Variants in CYFIP1 observed in about 807,000 individuals in gnomAD.
CYFIP1 encodes the protein cytoplasmic FMR1 interacting protein 1.
Under a neutral mutation model 163.5 loss-of-function variants are expected in CYFIP1, and 58 were observed. The ratio of observed to expected loss-of-function variants is 0.35; its 90% confidence interval spans 0.29 to 0.44. CYFIP1 has a LOEUF of 0.44. Among genes scored for constraint, CYFIP1 ranks in the 20% least tolerant of loss-of-function variants. The pLI, the probability that CYFIP1 is intolerant of heterozygous loss-of-function variation, is 1.00. For synonymous variants in CYFIP1, 663 were observed against 660.7 expected (o/e 1.00, Z -0.05); for missense variants, 1,338 against 1,653.8 (o/e 0.81, Z 3.31).
chr15:22,911,583 G>T (rs2060790293), intron 18 of CYFIP1, among the ~76,000 whole-genome samples: 1 of 152,208 alleles, frequency 6.6e-6, no homozygotes, highest in South Asian at 2.1e-4. Flanking sequence ...GAGAATACCT[G>T]TGCTTCGTGG....
intron 8 of CYFIP1, among the ~76,000 whole-genome samples, chr15:22,938,464 G>C (rs1251248900): frequency 2.0e-5 from 3 of 151,982 alleles, no homozygotes; most frequent in African/African-American, 4.8e-5. Flanking sequence ...ACTTAGCTGG[G>C]CATTGGTGCA....
chr15:22,893,331 C>A (rs1216328622), intron 22 of CYFIP1, among the ~76,000 whole-genome samples: 1 of 152,114 alleles, frequency 6.6e-6, no homozygotes, highest in Non-Finnish European at 1.5e-5. Context: ...CGGCGACGCC[C>A]CGGTGGTTCA....
At chr15:22,870,410 G>C in intron 30 of CYFIP1, among the ~76,000 whole-genome samples, 1 of 152,028 alleles carries the variant, frequency 6.6e-6, no homozygotes, top group Middle Eastern at 3.4e-3. Flanking sequence ...GTAGCCTCAA[G>C]ACATCCTCCC....
chr15:22,913,619 A>G (rs2060868175), intron 17 of CYFIP1, among the ~76,000 whole-genome samples: 1 of 149,736 alleles, frequency 6.7e-6, no homozygotes, highest in African/African-American at 2.4e-5. Flanking sequence ...AAAAAAAAAA[A>G]AAAAAAAAGA....
intron 12 of CYFIP1, 151 bp from the exon 13 acceptor site, chr15:22,926,258 T>C (rs1293938553): frequency 2.6e-6 from 3 of 1,145,980 alleles, no homozygotes; most frequent in Non-Finnish European, 3.7e-6. Flanking sequence ...ACACCGTCCA[T>C]CTCCACAGAT....
At chr15:22,902,154 G>C (rs765681512) in intron 22 of CYFIP1, among the ~76,000 whole-genome samples, 2 of 152,240 alleles carry the variant, frequency 1.3e-5, no homozygotes, top group Non-Finnish European at 2.9e-5. Context: ...GCCTGCCTGT[G>C]TCCAGGGTCC....
intron 9 of CYFIP1, 83 bp downstream of exon 9, chr15:22,937,019 TCA>T (rs951132288): frequency 1.2e-5 from 11 of 895,868 alleles, no homozygotes; most frequent in Non-Finnish European, 1.8e-5. Context: ...CTGATATAGA[TCA>T]CAGTCACACA....
rs2061410195 is a variant in CYFIP1 at position 22,927,948 on chromosome 15, G to T, written c.1191C>A (p.Gly397=). 1.2e-6 allele frequency: 2 copies of T among 1,605,980 alleles called. No individual in the cohort carries two copies. Among genetic ancestry groups the T allele is most frequent in the Admixed American group, 1.7e-5 (1 of 58,200 alleles). ...YRKLFDLALQ[G]LQLLSQWSAH... The stretch of plus-strand genomic sequence containing the variant: ...CGCTCCACTGCGACAACAGCTGCAG[G>T]CCCTGCAGCGCCAGGTCGAAGAGCT... Residue 397 remains glycine (G), a synonymous_variant, in exon 12 of 31, where the codon GGC becomes GGA. Coordinates refer to ENST00000617928, the MANE Select transcript of CYFIP1 (RefSeq NM_014608.6).
intron 12 of CYFIP1, among the ~76,000 whole-genome samples, chr15:22,927,380 G>A (rs111788108): frequency 0.013 from 2,040 of 151,604 alleles, 43 homozygotes; most frequent in African/African-American, 0.047. Context: ...TAACTCAGGA[G>A]GCTGAGGCAG....
intron 1 of CYFIP1, among the ~76,000 whole-genome samples, chr15:22,962,485 G>A (rs895270884): frequency 6.7e-6 from 1 of 148,564 alleles, no homozygotes; most frequent in Non-Finnish European, 1.5e-5. Flanking sequence ...CACCACCTCC[G>A]CCTCCCTGGT....
At chr15:22,932,484 A>C in intron 10 of CYFIP1, 144 bp from the exon 11 acceptor site, 12 of 529,976 alleles carry the variant, frequency 2.3e-5, no homozygotes, top group Non-Finnish European at 3.7e-5. Context: ...ACAACACAGA[A>C]GCATATCCGA....
intron 22 of CYFIP1, among the ~76,000 whole-genome samples, chr15:22,895,591 G>C (rs1286248073): frequency 3.3e-5 from 5 of 152,194 alleles, no homozygotes; most frequent in Non-Finnish European, 7.3e-5. Flanking sequence ...TGAGTGACAG[G>C]AATGACTGGT....
chr15:22,893,379 A>G (rs2060135087), intron 22 of CYFIP1, among the ~76,000 whole-genome samples: 1 of 152,196 alleles, frequency 6.6e-6, no homozygotes, highest in African/African-American at 2.4e-5. Context: ...GGACAGGGAC[A>G]CTTAGGTATT....
At chr15:22,905,318 T>G (rs747432372) in intron 21 of CYFIP1, 3 of 152,192 alleles carry the variant, frequency 2.0e-5, no homozygotes, top group African/African-American at 7.2e-5. Flanking sequence ...TTTCTTGAAA[T>G]AGATGCCAGT....
In CYFIP1 at chr15:22,964,405, ACAC is replaced by A. The variant is rs2062829662; in HGVS notation, c.-7+15879_-7+15881del. Among the ~76,000 whole-genome samples, 18 of 137,614 alleles carry A rather than the reference ACAC, an allele frequency of 1.3e-4. No homozygotes were observed. In the South Asian group the frequency reaches 4.3e-3, roughly 33 times the overall value. 90.3% of individuals were successfully genotyped at this position (137,614 alleles called of 152,430 possible). A position where few individuals can be genotyped will look rare whatever the true frequency, so the allele number is the denominator to read the frequency against. ...CACACACACACACACACACACACAC[ACAC>A]CCGGCAGCCCTGCCAGCAGACTCCG... On this transcript the variant is annotated intron_variant, in intron 1 of 30. Coordinates refer to ENST00000617928, the MANE Select transcript of CYFIP1 (RefSeq NM_014608.6).
chr15:22,910,585 C>T lies in CYFIP1; in HGVS notation c.2203G>A (p.Gly735Arg), dbSNP rs374614407. The T allele has an allele frequency of 1.5e-5, 24 of 1,614,064 alleles. No individual in the cohort carries two copies. Among genetic ancestry groups the T allele is most frequent in the Non-Finnish European group, 1.9e-5 (23 of 1,180,034 alleles). ...KRLRSECKNQ[G>R]ATIHLPPSNR... Reference sequence around the variant, plus strand: ...GACGGCGGGAGGTGGATCGTGGCTCCCTGATTCTTGCATTCTGATCGTAAC... The same window carrying T: ...GACGGCGGGAGGTGGATCGTGGCTCTCTGATTCTTGCATTCTGATCGTAAC... Residue 735 changes from glycine to arginine, a missense_variant, in exon 20 of 31, where the codon GGA becomes AGA. Gly to Arg is a moderately radical substitution (Grantham distance 125, BLOSUM62 -2). This residue lies in a region of CYFIP1 where 824 missense variants were observed against 995.7 expected (regional missense o/e 0.83). Coordinates refer to ENST00000617928, the MANE Select transcript of CYFIP1 (RefSeq NM_014608.6).
At chr15:22,874,744 A>G (rs1368467454) in intron 27 of CYFIP1, 100 bp from the exon 28 acceptor site, 1 of 720,474 alleles carries the variant, frequency 1.4e-6, no homozygotes, top group African/African-American at 1.8e-5. Flanking sequence ...TTTTAAGTTA[A>G]CATTATGGAT....
At position 22,925,979 on chromosome 15, in the gene CYFIP1, C is replaced by T. The variant is rs1202224533; in HGVS notation, c.1359+3G>A. 2 of 1,613,158 alleles carry T rather than the reference C, an allele frequency of 1.2e-6. No individual in the cohort carries two copies. Among genetic ancestry groups the T allele is most frequent in the Admixed American group, 1.7e-5 (1 of 59,994 alleles). On this transcript the variant is annotated splice_donor_region_variant and intron_variant, in intron 13 of 30. Coordinates refer to ENST00000617928, the MANE Select transcript of CYFIP1 (RefSeq NM_014608.6). ...GGAAGAGCGAGCGGCCGAGCATCCT[C>T]ACCTCCACTAGGGCAAACTTCTCCT...
chr15:22,874,713 T>C, intron 27 of CYFIP1, 69 bp from the exon 28 acceptor site: 1 of 1,103,576 alleles, frequency 9.1e-7, no homozygotes, highest in East Asian at 2.8e-5. Context: ...AAGGTTTACA[T>C]TTGTTTAAAA....
Sources: allele counts gnomAD v4.1 joint callset (sites outside exome capture counted in the v4.1 genomes callset), GRCh38; gene constraint gnomAD v4.1.1; regional missense constraint gnomAD v4.1.1; transcripts MANE v1.5; gene names NCBI Gene and HGNC (gene_info 2026-07-23, HGNC 2026-07-21).